The following LUC7L variants were observed in gnomAD, a reference collection of about 807,000 sequenced individuals.
The protein encoded by LUC7L is LUC7 like, also known as putative RNA-binding protein Luc7-like 1.
A neutral mutation model predicts 51.1 loss-of-function variants in LUC7L; 29 were observed. The observed-to-expected ratio is 0.57, with a 90% CI of 0.42 to 0.77. LUC7L has a LOEUF of 0.77. Among genes scored for constraint, LUC7L ranks in the 30% least tolerant of loss-of-function variants. The pLI, the probability that LUC7L is intolerant of heterozygous loss-of-function variation, is 0.00. For synonymous variants in LUC7L, 181 were observed against 180.7 expected, an observed-to-expected ratio of 1.00 and a Z score of -0.01; for missense variants, 403 against 511.9, an observed-to-expected ratio of 0.79 and a Z score of 2.05.
chr16:228,188 T>C, intron 1 of LUC7L: 2 of 1,264,210 alleles, frequency 1.6e-6, no homozygotes, highest in Non-Finnish European at 1.0e-6. Flanking sequence ...AGGAGGAATA[T>C]ATTTTAGGAT....
intron 3 of LUC7L, among the ~76,000 whole-genome samples, chr16:214,337 G>C (rs1225107167): frequency 2.0e-5 from 3 of 152,190 alleles, no homozygotes; most frequent in Non-Finnish European, 4.4e-5. Context: ...TGGGATTACA[G>C]GTGTGAGCCA....
chr16:229,094 A>G, intron 1 of LUC7L, 185 bp downstream of exon 1: 3 of 1,409,858 alleles, frequency 2.1e-6, no homozygotes, highest in Non-Finnish European at 2.8e-6. Context: ...ACCTGGACCC[A>G]CGGCCGCCTC....
At chr16:205,571 A>G (rs1471498901) in intron 5 of LUC7L, among the ~76,000 whole-genome samples, 1 of 152,144 alleles carries the variant, frequency 6.6e-6, no homozygotes, top group Non-Finnish European at 1.5e-5. Context: ...CTATGAAGCT[A>G]AAACTGCTTG....
intron 2 of LUC7L, among the ~76,000 whole-genome samples, chr16:223,724 C>T (rs960922889): frequency 6.6e-6 from 1 of 151,582 alleles, no homozygotes; most frequent in Non-Finnish European, 1.5e-5. Flanking sequence ...GGCTGGAGTG[C>T]AGTGGCACGA....
chr16:210,241 C>T (rs1480046885), intron 3 of LUC7L, among the ~76,000 whole-genome samples: 1 of 152,064 alleles, frequency 6.6e-6, no homozygotes, highest in African/African-American at 2.4e-5. Flanking sequence ...GAACTGAGAT[C>T]GCGCCATTGC....
intron 3 of LUC7L, 143 bp downstream of exon 3, chr16:220,506 A>T: frequency 1.5e-6 from 1 of 673,788 alleles, no homozygotes; most frequent in South Asian, 1.8e-5. Context: ...TACTGGCTGT[A>T]TTCTAGCTCT....
intron 2 of LUC7L, among the ~76,000 whole-genome samples, chr16:222,622 G>C (rs2050004172): frequency 6.6e-6 from 1 of 151,844 alleles, no homozygotes; most frequent in South Asian, 2.1e-4. Context: ...CTGAGCAACA[G>C]AGACCCCTGT....
intron 3 of LUC7L, among the ~76,000 whole-genome samples, chr16:210,261 T>C (rs533074293): frequency 3.6e-4 from 55 of 152,280 alleles, no homozygotes; most frequent in South Asian, 2.3e-3. Flanking sequence ...CACTCCAGCC[T>C]GGGCAACAAG....
intron 6 of LUC7L, among the ~76,000 whole-genome samples, chr16:196,843 T>C (rs1048207674): frequency 3.3e-5 from 5 of 151,622 alleles, no homozygotes; most frequent in Non-Finnish European, 7.4e-5. Context: ...AAATTTTTAA[T>C]AGAGTGGTAA....
chr16:192,623 C>T (rs1054570584), intron 7 of LUC7L, among the ~76,000 whole-genome samples: 3 of 151,440 alleles, frequency 2.0e-5, no homozygotes, highest in African/African-American at 4.9e-5. Context: ...CCCACCTCAG[C>T]CTCCGAGTAG....
chr16:215,534 T>C (rs944006621), intron 3 of LUC7L, among the ~76,000 whole-genome samples: 3 of 151,160 alleles, frequency 2.0e-5, no homozygotes, highest in Non-Finnish European at 2.9e-5. Flanking sequence ...GTAGGAGAGT[T>C]GCTTGAACCC....
chr16:207,791 C>T (rs968824692), intron 4 of LUC7L, among the ~76,000 whole-genome samples: 2 of 152,112 alleles, frequency 1.3e-5, no homozygotes, highest in East Asian at 1.9e-4. Flanking sequence ...AGGCAGATCA[C>T]GAGGTCAGGA....
At chr16:228,318 T>C (rs939309828) in intron 1 of LUC7L, 38 of 1,304,016 alleles carry the variant, frequency 2.9e-5, no homozygotes, top group Non-Finnish European at 3.3e-5. Context: ...AGCTTAGAAA[T>C]TGGTTGTGAC....
At chr16:201,284 T>C (rs1193300267) in intron 5 of LUC7L, among the ~76,000 whole-genome samples, 4 of 145,772 alleles carry the variant, frequency 2.7e-5, no homozygotes, top group African/African-American at 1.0e-4. Flanking sequence ...AAAAACAATA[T>C]TGTGGTACAC....
At chr16:209,083 C>G (rs956378839) in intron 3 of LUC7L, 1 of 152,240 alleles carries the variant, frequency 6.6e-6, no homozygotes, top group African/African-American at 2.4e-5. Context: ...ACTCAGGTGG[C>G]TGAGGCAGGA....
At chr16:219,574 G>A (rs911425682) in intron 3 of LUC7L, among the ~76,000 whole-genome samples, 5 of 151,678 alleles carry the variant, frequency 3.3e-5, no homozygotes, top group African/African-American at 1.2e-4. Context: ...GTGAAACTCT[G>A]TATCAAAAAG....
At chr16:189,484 T>C in intron 9 of LUC7L, 145 bp from the exon 10 acceptor site, 1 of 1,426,572 alleles carries the variant, frequency 7.0e-7, no homozygotes. Context: ...CAACCAGACT[T>C]GCCCACCACA....
chr16:215,002 G>A (rs1394429525), intron 3 of LUC7L, among the ~76,000 whole-genome samples: 5 of 152,072 alleles, frequency 3.3e-5, no homozygotes, highest in Admixed American at 2.6e-4. Flanking sequence ...GCCAGGAGTT[G>A]GAGGCTACCG....
intron 5 of LUC7L, among the ~76,000 whole-genome samples, chr16:203,972 C>A (rs947891552): frequency 6.6e-6 from 1 of 151,960 alleles, no homozygotes; most frequent in African/African-American, 2.4e-5. Context: ...GCCGAGATCA[C>A]GCCACTGCAC....
Sources: gnomAD v4.1 joint callset for allele counts (sites outside exome capture counted in the v4.1 genomes callset) on GRCh38, gnomAD v4.1.1 for gene constraint, MANE v1.5 for transcripts, NCBI Gene and HGNC (gene_info 2026-07-23, HGNC 2026-07-21) for gene names.